Variants in GPI observed in about 807,000 individuals in gnomAD.
GPI encodes glucose-6-phosphate isomerase.
In GPI, 56 loss-of-function variants were observed where a neutral mutation model predicts 75.8. The observed-to-expected ratio is 0.74, with a 90% CI of 0.60 to 0.92. The LOEUF is 0.92. GPI is among the 40% of genes least tolerant of loss of function. The pLI is 0.00. For missense variants in GPI, 638 were observed against 741.0 expected (o/e 0.86, Z 1.61); for synonymous variants, 288 against 285.4 (o/e 1.01, Z -0.09).
chr19:34,377,322 A>ATAT lies in GPI; in HGVS notation c.403-181_403-180insTAT. Among the ~76,000 whole-genome samples the ATAT allele has an allele frequency of 2.1e-5, 2 of 94,848 alleles. 1 individual carries two copies. The highest frequency in any genetic ancestry group is 1.1e-4 in the African/African-American group (2 of 18,670). The allele number at this position is 94,848 out of a possible 152,430, so 62.2% of individuals were successfully genotyped here. The stretch of plus-strand genomic sequence containing the variant: ...ATCTCAAAAAAAAAAAAAAAAAAAA[A>ATAT]AAAAAAAAAAAAAAATATATATATA... On this transcript the variant is annotated intron_variant, in intron 4 of 17. Transcript: ENST00000356487.
intron 14 of GPI, chr19:34,398,712 CTTT>C (rs1196506243): frequency 1.4e-5 from 2 of 143,378 alleles, no homozygotes; most frequent in African/African-American, 2.6e-5. Flanking sequence ...GTGTGTAGTT[CTTT>C]TTTTTTTTTT....
At chr19:34,366,223 C>T in intron 1 of GPI, 122 bp from the exon 2 acceptor site, 2 of 753,482 alleles carry the variant, frequency 2.7e-6, no homozygotes, top group South Asian at 1.4e-5. Context: ...TGCTGGGTGG[C>T]CGCGGCCCTT....
At chr19:34,381,629 C>G in intron 9 of GPI, 110 bp downstream of exon 9, 1 of 838,872 alleles carries the variant, frequency 1.2e-6, no homozygotes, top group East Asian at 2.4e-5. Flanking sequence ...TGCTGCATAC[C>G]TAGCTTGGGG....
Position 34,365,249 on chromosome 19 carries a change from G to T in GPI, c.-18G>T. 6.4e-7 allele frequency: 1 copy of T among 1,551,182 alleles called. No individual in the cohort carries two copies. Among genetic ancestry groups the T allele is most frequent in the South Asian group, 1.2e-5 (1 of 84,892 alleles). ...CTCCTCGGCTCGCGTCTCACTCAGT[G>T]TACCTTCTAGTCCCGCCATGGCCGC... On this transcript the variant is annotated 5_prime_UTR_variant, in exon 1 of 18. Coordinates refer to ENST00000356487, the MANE Select transcript of GPI (RefSeq NM_000175.5).
chr19:34,366,494 C>A, intron 2 of GPI, 59 bp downstream of exon 2: 1 of 1,152,674 alleles, frequency 8.7e-7, no homozygotes, highest in Non-Finnish European at 1.3e-6. Flanking sequence ...GTGAGCTGGG[C>A]TCCTGGGAGT....
chr19:34,369,441 T>A (rs1388750511), intron 4 of GPI, among the ~76,000 whole-genome samples: 3 of 152,096 alleles, frequency 2.0e-5, no homozygotes, highest in African/African-American at 7.2e-5. Context: ...GCGCGATGGC[T>A]CATGCCTGTG....
chr19:34,383,532 A>G (rs2074687148), intron 9 of GPI, among the ~76,000 whole-genome samples: 1 of 152,228 alleles, frequency 6.6e-6, no homozygotes, highest in South Asian at 2.1e-4. Context: ...AGGGACACAC[A>G]GGTCAGCACC....
At position 34,393,185 on chromosome 19, in the gene GPI, C is replaced by T. The variant is rs972328541; in HGVS notation, c.805-63C>T. ...TGTGCAAGACCAGGGACAGGGTTTC[C>T]GGCAGGAGGTGGGGGGCGGGGTGTG... On this transcript the variant is annotated intron_variant, in intron 9 of 17. Transcript: ENST00000356487. The surrounding 1 kb of genome is among the most constrained non-coding windows in gnomAD (Gnocchi z 4.4). 5.1e-5 allele frequency: 67 copies of T among 1,305,926 alleles called. No individual in the cohort carries two copies. The highest frequency in any genetic ancestry group is 1.3e-4 in the South Asian group (11 of 85,028). The allele number at this position is 1,305,926 out of a possible 1,614,324, so 80.9% of individuals were successfully genotyped here.
chr19:34,375,800 C>T (rs2074527134), intron 4 of GPI, among the ~76,000 whole-genome samples: 1 of 152,220 alleles, frequency 6.6e-6, no homozygotes, highest in African/African-American at 2.4e-5. Context: ...TCTGAAGTCA[C>T]ATTTCACCCC....
At chr19:34,396,264 C>A (rs2074942644) in intron 12 of GPI, 37 bp from the exon 13 acceptor site, 1 of 1,612,308 alleles carries the variant, frequency 6.2e-7, no homozygotes, top group South Asian at 1.1e-5. Flanking sequence ...AATGTTCTTT[C>A]ATTTTGCCAA....
chr19:34,399,437 A>G (rs2074990146), intron 15 of GPI, 102 bp downstream of exon 15: 2 of 1,574,042 alleles, frequency 1.3e-6, no homozygotes, highest in Non-Finnish European at 1.7e-6. Context: ...TGTCCTACAG[A>G]ATGGGAGGGC....
At chr19:34,389,329 A>G (rs8191409) in intron 9 of GPI, among the ~76,000 whole-genome samples, 2,232 of 152,220 alleles carry the variant, frequency 0.015, 24 homozygotes, top group South Asian at 0.026. Context: ...CGGGGCTTCA[A>G]AGTGGCTTGT....
intron 3 of GPI, among the ~76,000 whole-genome samples, chr19:34,367,927 T>C (rs2074390793): frequency 6.6e-6 from 1 of 152,190 alleles, no homozygotes; most frequent in Non-Finnish European, 1.5e-5. Context: ...CGTTTATTTA[T>C]TTATTTATTT....
upstream of GPI, chr19:34,365,155 G>GGCCGA: frequency 8.1e-7 from 1 of 1,233,444 alleles, no homozygotes; most frequent in Non-Finnish European, 1.0e-6. Context: ...GGCCGGGCCG[G>GGCCGA]GCGCCTGCGC....
intron 9 of GPI, chr19:34,392,249 A>AGATATAAGGATCTGGG: frequency 3.1e-4 from 1 of 3,182 alleles, no homozygotes; most frequent in Non-Finnish European, 5.0e-4. Flanking sequence ...AGAGGTAGGA[A>AGATATAAGGATCTGGG]TCTGGTACAG....
In GPI at chr19:34,377,816, A is replaced by G; in HGVS notation, c.568A>G (p.Thr190Ala). The G allele has an allele frequency of 6.2e-7, 1 of 1,614,050 alleles. No homozygotes were observed. The highest frequency in any genetic ancestry group is 1.6e-4 in the Middle Eastern group (1 of 6,062). The change falls in exon 6 of 18, where the codon ACT becomes GCT. Residue 190 changes from threonine (T) to alanine (A), a missense_variant. Thr to Ala is a moderately conservative substitution (Grantham distance 58). Coordinates refer to ENST00000356487, the MANE Select transcript of GPI (RefSeq NM_000175.5). ...RVWYVSNIDG[T>A]HIAKTLAQLN... ...CTGGTATGTCTCCAACATTGATGGAACTCACATTGCCAAAACCCTGGCCCA... is the reference window on the plus strand; with the variant it reads ...CTGGTATGTCTCCAACATTGATGGAGCTCACATTGCCAAAACCCTGGCCCA...
At chr19:34,384,871 C>T (rs754495788) in intron 9 of GPI, among the ~76,000 whole-genome samples, 5 of 151,156 alleles carry the variant, frequency 3.3e-5, no homozygotes, top group African/African-American at 4.9e-5. Flanking sequence ...AGCGAAACCC[C>T]GTCTCTACTA....
chr19:34,371,542 G>A (rs1326820090), intron 4 of GPI, among the ~76,000 whole-genome samples: 2 of 152,098 alleles, frequency 1.3e-5, no homozygotes, highest in African/African-American at 4.8e-5. Context: ...AAGGCTGGGT[G>A]TAATTGTAAT....
At chr19:34,383,811 A>G (rs1004248166) in intron 9 of GPI, among the ~76,000 whole-genome samples, 1 of 152,180 alleles carries the variant, frequency 6.6e-6, no homozygotes, top group Non-Finnish European at 1.5e-5. Context: ...TACAGGGCAG[A>G]CATCAAGGCT....
Sources: gnomAD v4.1 joint callset for allele counts (sites outside exome capture counted in the v4.1 genomes callset) on GRCh38, gnomAD v4.1.1 for gene constraint, Gnocchi (gnomAD v3.1) non-coding constraint, MANE v1.5 for transcripts, NCBI Gene and HGNC (gene_info 2026-07-23, HGNC 2026-07-21) for gene names.